NCKAP1: variants seen among roughly 807,000 people sequenced by gnomAD.
NCKAP1 encodes NCK associated protein 1, also known as nck-associated protein 1.
In NCKAP1, 21 loss-of-function variants were observed where a neutral mutation model predicts 151.2. That is an observed-to-expected ratio of 0.14 (90% CI 0.10 to 0.20). NCKAP1 has a LOEUF of 0.20. NCKAP1 is among the 10% of genes least tolerant of loss of function. The pLI, the probability that NCKAP1 is intolerant of heterozygous loss-of-function variation, is 1.00. For missense variants in NCKAP1, 933 were observed against 1,352.1 expected, an observed-to-expected ratio of 0.69 and a Z score of 4.86; for synonymous variants, 484 against 451.8, an observed-to-expected ratio of 1.07 and a Z score of -0.90.
intron 20 of NCKAP1, among the ~76,000 whole-genome samples, chr2:182,954,299 C>G (rs563890512): frequency 6.6e-6 from 1 of 152,238 alleles, no homozygotes; most frequent in South Asian, 2.1e-4. Context: ...CTGTATACGA[C>G]TAAAAAGGAA....
chr2:182,984,170 A>G (rs888965464), intron 10 of NCKAP1, among the ~76,000 whole-genome samples: 3 of 152,184 alleles, frequency 2.0e-5, no homozygotes, highest in African/African-American at 7.2e-5. Context: ...TAAATATACA[A>G]AACTGAATAC....
intron 23 of NCKAP1, among the ~76,000 whole-genome samples, chr2:182,943,440 AT>A (rs1429605504): frequency 6.6e-6 from 1 of 152,100 alleles, no homozygotes; most frequent in Non-Finnish European, 1.5e-5. Context: ...TATTTGCTGA[AT>A]TTAACTTCTA....
At chr2:182,992,504 A>G (rs1698189033) in intron 8 of NCKAP1, among the ~76,000 whole-genome samples, 1 of 152,182 alleles carries the variant, frequency 6.6e-6, no homozygotes, top group African/African-American at 2.4e-5. Flanking sequence ...TAACTCTACT[A>G]ATTAACTCAA....
At chr2:183,012,884 C>T (rs1041647831) in intron 2 of NCKAP1, among the ~76,000 whole-genome samples, 2 of 151,710 alleles carry the variant, frequency 1.3e-5, no homozygotes, top group Non-Finnish European at 2.9e-5. Flanking sequence ...CTCAGTCTCC[C>T]AAAGTGCTAT....
At chr2:182,929,687 GTAA>G (rs1696720398) in intron 27 of NCKAP1, among the ~76,000 whole-genome samples, 1 of 150,100 alleles carries the variant, frequency 6.7e-6, no homozygotes, top group Admixed American at 6.7e-5. Context: ...AGCAAATCAA[GTAA>G]TAATTATAAT....
chr2:182,984,800 G>A (rs943102235), intron 10 of NCKAP1, among the ~76,000 whole-genome samples: 1 of 152,176 alleles, frequency 6.6e-6, no homozygotes, highest in Non-Finnish European at 1.5e-5. Context: ...AGGAGTCTGT[G>A]ATGGTTATTG....
In NCKAP1 at chr2:182,925,753, C is replaced by T; in HGVS notation, c.3336G>A (p.Leu1112=). ...TGTAGACAGCATGGTATGCATTTCTCAGCAAGACATAAGGAAAACAAGATT... is the reference window on the plus strand; with the variant it reads ...TGTAGACAGCATGGTATGCATTTCTTAGCAAGACATAAGGAAAACAAGATT... ...LLESCFPYVL[L]RNAYHAVYKQ... Residue 1112 remains leucine (L), a synonymous_variant, in exon 31 of 31, where the codon CTG becomes CTA. Transcript: ENST00000361354. 1.9e-6 allele frequency: 3 copies of T among 1,592,080 alleles called. No individual in the cohort carries two copies. In the Admixed American group the frequency reaches 5.3e-5, roughly 28 times the overall value.
At position 182,917,754 on chromosome 2, in the gene NCKAP1, G is replaced by A. The variant is rs192234271; in HGVS notation, c.*7948C>T. The A allele has an allele frequency of 1.3e-5, 2 of 152,286 alleles. No individual in the cohort carries two copies. Among genetic ancestry groups the A allele is most frequent in the East Asian group, 3.9e-4 (2 of 5,188 alleles). The allele number at this position is 152,286 out of a possible 1,614,324, so 9.4% of individuals were successfully genotyped here. A position where few individuals can be genotyped will look rare whatever the true frequency, so the allele number is the denominator to read the frequency against. ...AACATAGAGAGTAAGTACTGTGTGA[G>A]CTTGAGATTTAAAACTAAAACAAAT... On this transcript the variant is annotated 3_prime_UTR_variant, in exon 31 of 31. Coordinates refer to ENST00000361354, the MANE Select transcript of NCKAP1 (RefSeq NM_013436.5).
intron 2 of NCKAP1, among the ~76,000 whole-genome samples, chr2:183,009,069 T>C (rs1698536373): frequency 6.6e-6 from 1 of 152,112 alleles, no homozygotes; most frequent in South Asian, 2.1e-4. Context: ...CTGTAGTAAA[T>C]ATATTTTAGG....
chr2:183,006,371 T>C (rs991323785), intron 2 of NCKAP1, among the ~76,000 whole-genome samples: 1 of 152,326 alleles, frequency 6.6e-6, no homozygotes, highest in Admixed American at 6.5e-5. Flanking sequence ...CAAAGGAAGC[T>C]TGCAGATCAC....
chr2:182,917,817 T>C lies in NCKAP1; in HGVS notation c.*7885A>G, dbSNP rs1171455731. The C allele has an allele frequency of 1.3e-5, 2 of 152,162 alleles. No homozygotes were observed. The highest frequency in any genetic ancestry group is 3.8e-4 in the East Asian group (2 of 5,200). 9.4% of individuals were successfully genotyped at this position (152,162 alleles called of 1,614,324 possible). A position where few individuals can be genotyped will look rare whatever the true frequency, so the allele number is the denominator to read the frequency against. ...CACAAATATGTGACATATTATCTAC[T>C]ATATATGTGGGATAAGACAGCCTAG... On this transcript the variant is annotated 3_prime_UTR_variant, in exon 31 of 31. Coordinates refer to ENST00000361354, the MANE Select transcript of NCKAP1 (RefSeq NM_013436.5).
chr2:182,960,079 A>C lies in NCKAP1; in HGVS notation c.1881+2080T>G. 1.3e-5 allele frequency among the ~76,000 whole-genome samples: 2 copies of C among 152,214 alleles called. 1 individual carries two copies. Among genetic ancestry groups the C allele is most frequent in the Non-Finnish European group, 2.9e-5 (2 of 68,034 alleles). On this transcript the variant is annotated intron_variant, in intron 18 of 30. Transcript: ENST00000361354. ...ACAAATCACTGCTCAATGAAATAAA[A>C]GAGGATACAAACAAATGGAAGAACA...
At chr2:183,026,179 C>T (rs938816155) in intron 1 of NCKAP1, among the ~76,000 whole-genome samples, 4 of 152,158 alleles carry the variant, frequency 2.6e-5, no homozygotes, top group South Asian at 4.1e-4. Context: ...CAGTGGCTCA[C>T]GCCTGTAATT....
intron 12 of NCKAP1, 49 bp from the exon 13 acceptor site, chr2:182,981,425 T>C: frequency 1.4e-6 from 2 of 1,408,540 alleles, no homozygotes; most frequent in Middle Eastern, 3.6e-4. Flanking sequence ...TTCATCATTA[T>C]TAAAGAATAT....
At chr2:183,032,070 CAAGTT>C (rs1458048259) in intron 1 of NCKAP1, among the ~76,000 whole-genome samples, 1 of 152,010 alleles carries the variant, frequency 6.6e-6, no homozygotes, top group Non-Finnish European at 1.5e-5. Context: ...TTTTTCTGTT[CAAGTT>C]AAGTTTGGGT....
In NCKAP1 at chr2:182,984,052, A is replaced by C. The variant is rs1438615687; in HGVS notation, c.1005-670T>G. On this transcript the variant is annotated intron_variant, in intron 10 of 30. Transcript: ENST00000361354. Reference sequence around the variant, plus strand: ...CCTCAAAAAAAAAAAAAAATCCTTGAAGGCAAAAACTGACTAACTGTATAC... The same window carrying C: ...CCTCAAAAAAAAAAAAAAATCCTTGCAGGCAAAAACTGACTAACTGTATAC... Among the ~76,000 whole-genome samples, 3 of 81,684 alleles carry C rather than the reference A, an allele frequency of 3.7e-5. No homozygotes were observed. The East Asian group carries it at 4.2e-3, about 116-fold the overall frequency. The allele number at this position is 81,684 out of a possible 152,430, so 53.6% of individuals were successfully genotyped here. A position where few individuals can be genotyped will look rare whatever the true frequency, so the allele number is the denominator to read the frequency against.
intron 6 of NCKAP1, among the ~76,000 whole-genome samples, chr2:183,000,340 A>T (rs951574084): frequency 6.6e-6 from 1 of 152,216 alleles, no homozygotes; most frequent in African/African-American, 2.4e-5. Context: ...GAACTTAAAA[A>T]GCCGAGAGCC....
At chr2:183,000,895 C>A (rs1287887198) in intron 6 of NCKAP1, among the ~76,000 whole-genome samples, 1 of 152,038 alleles carries the variant, frequency 6.6e-6, no homozygotes, top group Non-Finnish European at 1.5e-5. Context: ...GAGTTAGAGA[C>A]CAGCCTGGGA....
chr2:182,984,106 T>C (rs1575047072), intron 10 of NCKAP1, among the ~76,000 whole-genome samples: 1 of 151,908 alleles, frequency 6.6e-6, no homozygotes, highest in East Asian at 1.9e-4. Flanking sequence ...AAGAAATTAA[T>C]AAATAGAACT....
Sources: allele counts gnomAD v4.1 joint callset (sites outside exome capture counted in the v4.1 genomes callset), GRCh38; gene constraint gnomAD v4.1.1; transcripts MANE v1.5; gene names NCBI Gene and HGNC (gene_info 2026-07-23, HGNC 2026-07-21).